The following AFG3L2 variants were observed in gnomAD, a reference collection of about 807,000 sequenced individuals.
The protein encoded by AFG3L2 is AFG3 like matrix AAA peptidase subunit 2.
Under a neutral mutation model 94.5 loss-of-function variants are expected in AFG3L2, and 54 were observed. The ratio of observed to expected loss-of-function variants is 0.57; its 90% CI spans 0.46 to 0.72. The LOEUF (loss-of-function observed/expected upper bound fraction) is 0.72, where lower values mean the gene tolerates loss of function less well. Among genes scored for constraint, AFG3L2 ranks in the 30% least tolerant of loss-of-function variants. The pLI, the probability that AFG3L2 is intolerant of heterozygous loss-of-function variation, is 0.00. For synonymous variants in AFG3L2, 377 were observed against 365.5 expected (o/e 1.03, Z -0.36); for missense variants, 754 against 994.9 (o/e 0.76, Z 3.26).
Position 12,354,139 on chromosome 18 carries a change from C to A in AFG3L2, c.1165-981G>T, listed in dbSNP as rs552804165. Among the ~76,000 whole-genome samples, 47 of 136,830 alleles carry A rather than the reference C, an allele frequency of 3.4e-4. No homozygotes were observed. In the South Asian group the frequency reaches 3.7e-3, roughly 11 times the overall value. The allele number at this position is 136,830 out of a possible 152,430, so 89.8% of individuals were successfully genotyped here. A position where few individuals can be genotyped will look rare whatever the true frequency, so the allele number is the denominator to read the frequency against. ...CTCCACCTGCCCACTCCCACCCCCC[C>A]CCCCCCACTTCACTGGACAGAAGTC... On this transcript the variant is annotated intron_variant, in intron 9 of 16. Transcript: ENST00000269143.
chr18:12,341,074 G>C (rs1398208097), intron 14 of AFG3L2: 1 of 152,484 alleles, frequency 6.6e-6, no homozygotes, highest in Non-Finnish European at 1.5e-5. Context: ...TTGTCTTTTT[G>C]TAAAACTCAA....
At chr18:12,335,028 TGCCTTCCTA>T (rs1907697235) in intron 16 of AFG3L2, among the ~76,000 whole-genome samples, 1 of 152,196 alleles carries the variant, frequency 6.6e-6, no homozygotes, top group Non-Finnish European at 1.5e-5. Flanking sequence ...GCACAAGAGC[TGCCTTCCTA>T]TTGTTCCTAA....
chr18:12,353,978 G>A (rs887502705), intron 9 of AFG3L2, among the ~76,000 whole-genome samples: 2 of 152,020 alleles, frequency 1.3e-5, no homozygotes, highest in Non-Finnish European at 2.9e-5. Flanking sequence ...GACAGCCTTC[G>A]TCTGCCACCC....
At chr18:12,345,350 T>C (rs148653876) in intron 13 of AFG3L2, among the ~76,000 whole-genome samples, 1 of 152,260 alleles carries the variant, frequency 6.6e-6, no homozygotes, top group Admixed American at 6.5e-5. Flanking sequence ...AAAAACTAAC[T>C]GCGCCATTTG....
chr18:12,376,565 T>A (rs894593922), intron 1 of AFG3L2, among the ~76,000 whole-genome samples: 1 of 152,194 alleles, frequency 6.6e-6, no homozygotes, highest in Non-Finnish European at 1.5e-5. Flanking sequence ...TCGGAGAGGT[T>A]AGGCAGCCCG....
chr18:12,376,370 C>G (rs183569874), intron 1 of AFG3L2, among the ~76,000 whole-genome samples: 1 of 152,360 alleles, frequency 6.6e-6, no homozygotes, highest in Admixed American at 6.5e-5. Context: ...CGTATCAGGT[C>G]CCGTGTGTGT....
intron 10 of AFG3L2, among the ~76,000 whole-genome samples, chr18:12,351,891 A>C (rs1908330598): frequency 6.6e-6 from 1 of 152,188 alleles, no homozygotes; most frequent in African/African-American, 2.4e-5. Context: ...TTTTTTTACT[A>C]TTCAGCTCGT....
At chr18:12,332,867 G>A (rs79465390) in intron 16 of AFG3L2, among the ~76,000 whole-genome samples, 92,866 of 138,060 alleles carry the variant, frequency 0.67, 32,719 homozygotes, top group Non-Finnish European at 0.78. Flanking sequence ...ATAGTTGTGG[G>A]TGATCACTTA....
intron 6 of AFG3L2, chr18:12,360,338 C>T: frequency 2.7e-6 from 1 of 370,124 alleles, no homozygotes; most frequent in South Asian, 3.2e-5. Context: ...AAAACGTAAT[C>T]CTTTTTAAAA....
rs1053085369 is a variant in AFG3L2 at position 12,376,995 on chromosome 18, G to A, written c.88C>T (p.Pro30Ser). ...QQLLVPGGVGPGEQPCLRTLY... is the reference protein window; with the variant it reads ...QQLLVPGGVGSGEQPCLRTLY... ...GTCCGGAGGCAGGGCTGCTCGCCCG[G>A]GCCCACGCCGCCAGGCACGAGGAGC... Residue 30 changes from proline to serine, a missense_variant, in exon 1 of 17, where the codon CCG becomes TCG. Pro to Ser is a moderately conservative substitution (Grantham distance 74, BLOSUM62 -1). Coordinates refer to ENST00000269143, the MANE Select transcript of AFG3L2 (RefSeq NM_006796.3). 9 of 1,461,142 alleles carry A rather than the reference G, an allele frequency of 6.2e-6. No homozygotes were observed. The highest frequency in any genetic ancestry group is 8.1e-6 in the Non-Finnish European group (9 of 1,110,990). 90.5% of individuals were successfully genotyped at this position (1,461,142 alleles called of 1,614,324 possible). A position where few individuals can be genotyped will look rare whatever the true frequency, so the allele number is the denominator to read the frequency against.
rs116037947 is a variant in AFG3L2, at chr18:12,367,730, C to T, written c.293-348G>A. Among the ~76,000 whole-genome samples, 6 of 152,294 alleles carry T rather than the reference C, an allele frequency of 3.9e-5. No individual in the cohort carries two copies. In the South Asian group the frequency reaches 1.2e-3, roughly 32 times the overall value. ...GTGAATAAGTCACAGAGTTGGGATG[C>T]AAATTCCTCAGTCCCCACTCAAAGT... On this transcript the variant is annotated intron_variant, in intron 3 of 16. Coordinates refer to ENST00000269143, the MANE Select transcript of AFG3L2 (RefSeq NM_006796.3).
chr18:12,373,226 A>G (rs1466958116), intron 1 of AFG3L2, among the ~76,000 whole-genome samples: 1 of 152,238 alleles, frequency 6.6e-6, no homozygotes, highest in Non-Finnish European at 1.5e-5. Flanking sequence ...CACTTGGCCT[A>G]TGAAATAACC....
At chr18:12,360,721 T>C (rs1908634390) in intron 6 of AFG3L2, among the ~76,000 whole-genome samples, 1 of 152,214 alleles carries the variant, frequency 6.6e-6, no homozygotes, top group Non-Finnish European at 1.5e-5. Context: ...CACATAATTA[T>C]TTCCTATTGT....
At chr18:12,366,826 A>T (rs1211000133) in intron 5 of AFG3L2, 139 bp downstream of exon 5, 1 of 1,227,130 alleles carries the variant, frequency 8.1e-7, no homozygotes, top group East Asian at 2.4e-5. Context: ...AGTACTTCTC[A>T]GCATTAGAAA....
At position 12,366,710 on chromosome 18, in the gene AFG3L2, T is replaced by C. The variant is rs149634592; in HGVS notation, c.552+255A>G. Among the ~76,000 whole-genome samples the C allele has an allele frequency of 3.0e-3, 460 of 152,234 alleles. 2 individuals are homozygous for C. Among genetic ancestry groups the C allele is most frequent in the Non-Finnish European group, 5.0e-3 (341 of 68,012 alleles). ...CGCAAGCAGAGGACTGCCAAGACCATGGTCAGAAGCAGTGGTTCCAAAACC... is the reference window on the plus strand; with the variant it reads ...CGCAAGCAGAGGACTGCCAAGACCACGGTCAGAAGCAGTGGTTCCAAAACC... On this transcript the variant is annotated intron_variant, in intron 5 of 16. Transcript: ENST00000269143.
chr18:12,352,666 G>A lies in AFG3L2; in HGVS notation c.1318+339C>T, dbSNP rs111379944. The stretch of plus-strand genomic sequence containing the variant: ...CAGACACAAACAGCATGTTAACACC[G>A]ATATTAAGTTATGCAGGCTGCCAGG... On this transcript the variant is annotated intron_variant, in intron 10 of 16. Coordinates refer to ENST00000269143, the MANE Select transcript of AFG3L2 (RefSeq NM_006796.3). Among the ~76,000 whole-genome samples, 306 of 152,156 alleles carry A rather than the reference G, an allele frequency of 2.0e-3. 1 individual carries two copies. The highest frequency in any genetic ancestry group is 6.6e-3 in the African/African-American group (275 of 41,514).
chr18:12,343,265 C>T (rs1908012597), intron 14 of AFG3L2: 1 of 152,146 alleles, frequency 6.6e-6, no homozygotes, highest in South Asian at 2.1e-4. Flanking sequence ...CACAGAAATA[C>T]AATTGGTCTT....
chr18:12,362,725 T>C (rs1007080819), intron 6 of AFG3L2, among the ~76,000 whole-genome samples: 1 of 152,196 alleles, frequency 6.6e-6, no homozygotes. Flanking sequence ...ACCCTGTGCC[T>C]GACATGGGCC....
At chr18:12,369,612 T>C (rs1026870411) in intron 3 of AFG3L2, among the ~76,000 whole-genome samples, 2 of 151,234 alleles carry the variant, frequency 1.3e-5, no homozygotes, top group Admixed American at 6.6e-5. Flanking sequence ...TCCCAGCTAC[T>C]GTGGAGGCTG....
Sources: allele counts gnomAD v4.1 joint callset (sites outside exome capture counted in the v4.1 genomes callset), GRCh38; gene constraint gnomAD v4.1.1; transcripts MANE v1.5; gene names NCBI Gene and HGNC (gene_info 2026-07-23, HGNC 2026-07-21).